Variants in ANTXR2 observed in about 807,000 individuals in gnomAD.
ANTXR2 encodes the protein ANTXR cell adhesion molecule 2.
A neutral mutation model predicts 73.7 loss-of-function variants in ANTXR2; 44 were observed. The observed-to-expected ratio is 0.60, with a 90% CI of 0.47 to 0.77. ANTXR2 has a LOEUF of 0.77. ANTXR2 is among the 30% of genes least tolerant of loss of function. The pLI is 0.00. For missense variants in ANTXR2, 604 were observed against 592.5 expected (o/e 1.02, Z -0.20); for synonymous variants, 217 against 205.9 (o/e 1.05, Z -0.46).
At chr4:79,958,780 C>G (rs1236725740) in intron 16 of ANTXR2, among the ~76,000 whole-genome samples, 1 of 152,072 alleles carries the variant, frequency 6.6e-6, no homozygotes, top group Non-Finnish European at 1.5e-5. Flanking sequence ...AACCGTCCCA[C>G]CTCTTCTGAA....
At chr4:80,060,212 C>T (rs1301527232) in intron 3 of ANTXR2, among the ~76,000 whole-genome samples, 1 of 152,102 alleles carries the variant, frequency 6.6e-6, no homozygotes, top group Admixed American at 6.6e-5. Context: ...GGTTCTCCAC[C>T]CTGGCTGTAC....
At position 80,072,434 on chromosome 4, in the gene ANTXR2, A is replaced by G; in HGVS notation, c.127T>C (p.Phe43Leu). Residue 43 changes from phenylalanine (F) to leucine (L), a missense_variant, in exon 1 of 17, where the codon TTT becomes CTT. By Grantham distance (22) the Phe-to-Leu change is conservative. Coordinates refer to ENST00000403729, the MANE Select transcript of ANTXR2 (RefSeq NM_058172.6). ...AQEQPSCRRA[F>L]DLYFVLDKSG... ...TTGTCCAGGACGAAGTAGAGATCAA[A>G]GGCTCTTCTGCAGGAGGGCTGCTCC... is the stretch of plus-strand genomic sequence containing the variant. 1 of 1,607,044 alleles carries G rather than the reference A, an allele frequency of 6.2e-7. No homozygotes were observed. Among genetic ancestry groups the G allele is most frequent in the Non-Finnish European group, 8.5e-7 (1 of 1,177,084 alleles).
At chr4:79,947,681 T>A (rs1329514536) in intron 16 of ANTXR2, among the ~76,000 whole-genome samples, 1 of 152,172 alleles carries the variant, frequency 6.6e-6, no homozygotes, top group Non-Finnish European at 1.5e-5. Context: ...ACTAACAAGG[T>A]CACTTTTGAG....
At chr4:80,071,254 T>C (rs1734773636) in intron 2 of ANTXR2, among the ~76,000 whole-genome samples, 1 of 110,482 alleles carries the variant, frequency 9.1e-6, no homozygotes, top group African/African-American at 3.0e-5. Context: ...ATGGATACTA[T>C]TCGCATAAAA....
intron 11 of ANTXR2, among the ~76,000 whole-genome samples, chr4:80,013,594 G>A (rs975670774): frequency 1.1e-4 from 17 of 152,162 alleles, no homozygotes; most frequent in East Asian, 3.8e-4. Context: ...GAGCAATATC[G>A]CTAACTGCAT....
chr4:80,002,833 G>C (rs2110047791), intron 12 of ANTXR2, among the ~76,000 whole-genome samples: 1 of 151,444 alleles, frequency 6.6e-6, no homozygotes, highest in Non-Finnish European at 1.5e-5. Context: ...CTGGCCATCA[G>C]AGAAATGCAA....
intron 2 of ANTXR2, among the ~76,000 whole-genome samples, 174 bp downstream of exon 2, chr4:80,071,409 A>G (rs1734779913): frequency 1.3e-5 from 2 of 152,220 alleles, no homozygotes; most frequent in African/African-American, 4.8e-5. Flanking sequence ...CAGATGAAAT[A>G]AGCCCTCAAG....
Position 80,072,395 on chromosome 4 carries a change from C to G in ANTXR2, c.152+14G>C. ...CCCTCACCAGGAGACCCTGGACCTC[C>G]CTCGCACACTCACTTGTCCAGGACG... is the stretch of plus-strand genomic sequence containing the variant. On this transcript the variant is annotated intron_variant, in intron 1 of 16. Transcript: ENST00000403729. 1 of 1,585,468 alleles carries G rather than the reference C, an allele frequency of 6.3e-7. No homozygotes were observed. The highest frequency in any genetic ancestry group is 2.4e-5 in the East Asian group (1 of 42,146).
intron 16 of ANTXR2, among the ~76,000 whole-genome samples, chr4:79,958,364 T>G (rs1398478383): frequency 6.6e-6 from 1 of 152,166 alleles, no homozygotes; most frequent in African/African-American, 2.4e-5. Flanking sequence ...CATTCTCTCC[T>G]TCCTAAACTT....
At chr4:80,059,297 G>C (rs1734135862) in intron 3 of ANTXR2, among the ~76,000 whole-genome samples, 1 of 148,868 alleles carries the variant, frequency 6.7e-6, no homozygotes, top group East Asian at 2.0e-4. Flanking sequence ...GGGAAAAAGA[G>C]AAAGAGAGGA....
intron 3 of ANTXR2, among the ~76,000 whole-genome samples, chr4:80,063,810 T>C (rs576823179): frequency 9.2e-5 from 14 of 152,328 alleles, no homozygotes; most frequent in East Asian, 5.8e-4. Context: ...AATTATAGTA[T>C]CATCAATTGA....
At chr4:79,937,480 G>C (rs527989224) in intron 16 of ANTXR2, among the ~76,000 whole-genome samples, 1 of 152,242 alleles carries the variant, frequency 6.6e-6, no homozygotes, top group African/African-American at 2.4e-5. Context: ...TGTGCCACTT[G>C]CTTGGGCCAC....
chr4:80,033,612 C>T (rs765334137), intron 8 of ANTXR2, 42 bp from the exon 9 acceptor site: 1 of 1,434,216 alleles, frequency 7.0e-7, no homozygotes, highest in Admixed American at 2.5e-5. Flanking sequence ...CACTGCTTTA[C>T]CAAAAAAATA....
chr4:79,978,008 T>C lies in ANTXR2; in HGVS notation c.1346A>G (p.Lys449Arg). The C allele has an allele frequency of 6.3e-7, 1 of 1,584,582 alleles. No homozygotes were observed. The highest frequency in any genetic ancestry group is 8.6e-7 in the Non-Finnish European group (1 of 1,169,412). Residue 449 changes from lysine (K) to arginine (R), a missense_variant and splice_region_variant, in exon 15 of 17, where the codon AAG (lysine) becomes AGG (arginine). Physicochemically the swap from Lys to Arg is conservative, Grantham distance 26. Coordinates refer to ENST00000403729, the MANE Select transcript of ANTXR2 (RefSeq NM_058172.6). The stretch of plus-strand genomic sequence containing the variant: ...ATTACACAAAATCTGGACACATACC[T>C]TAATTGGGGTGTACCATTTTGTCTG... ...PPQTKWYTPI[K>R]GRLDALWALL... is the part of the protein sequence containing the mutation.
intron 2 of ANTXR2, among the ~76,000 whole-genome samples, chr4:80,070,811 T>C (rs1242532226): frequency 6.6e-6 from 1 of 152,156 alleles, no homozygotes; most frequent in South Asian, 2.1e-4. Flanking sequence ...ATACAGTTCC[T>C]ATTCATGTCC....
chr4:79,983,741 A>T (rs1429805824), intron 14 of ANTXR2, 137 bp downstream of exon 14: 2 of 721,840 alleles, frequency 2.8e-6, no homozygotes. Flanking sequence ...AAAAAAATGT[A>T]TCCAGAAAAG....
At chr4:79,930,916 G>T (rs190799402) in intron 16 of ANTXR2, among the ~76,000 whole-genome samples, 1 of 152,150 alleles carries the variant, frequency 6.6e-6, no homozygotes, top group African/African-American at 2.4e-5. Flanking sequence ...TTATAGATAT[G>T]AGAGTTGTTG....
intron 8 of ANTXR2, among the ~76,000 whole-genome samples, chr4:80,034,932 T>C (rs749662680): frequency 6.6e-6 from 1 of 151,976 alleles, no homozygotes; most frequent in Non-Finnish European, 1.5e-5. Context: ...TCGGTAAGAG[T>C]ATGGGCATTC....
At chr4:80,059,813 G>GT (rs1734160491) in intron 3 of ANTXR2, among the ~76,000 whole-genome samples, 1 of 152,072 alleles carries the variant, frequency 6.6e-6, no homozygotes, top group African/African-American at 2.4e-5. Context: ...GCCATGCACT[G>GT]TGCCATATCA....
Sources: gnomAD v4.1 joint callset for allele counts (sites outside exome capture counted in the v4.1 genomes callset) on GRCh38, gnomAD v4.1.1 for gene constraint, MANE v1.5 for transcripts, NCBI Gene and HGNC (gene_info 2026-07-23, HGNC 2026-07-21) for gene names.